The following ANLN variants were observed in gnomAD, a reference collection of about 807,000 sequenced individuals.
ANLN encodes anillin.
ANLN carries 59 observed loss-of-function variants against 135.1 expected under a neutral mutation model. That is an observed-to-expected ratio of 0.44 (90% CI 0.35 to 0.54). ANLN has a LOEUF of 0.54. Ranked by LOEUF, ANLN falls within the 20% of genes least tolerant of loss-of-function variation. The pLI is 0.00. For synonymous variants in ANLN, 406 were observed against 456.4 expected, an observed-to-expected ratio of 0.89 and a Z score of 1.41; for missense variants, 1,182 against 1,340.0, an observed-to-expected ratio of 0.88 and a Z score of 1.84.
chr7:36,442,491 C>T (rs2116793174), intron 21 of ANLN, among the ~76,000 whole-genome samples: 1 of 152,244 alleles, frequency 6.6e-6, no homozygotes, highest in Non-Finnish European at 1.5e-5. Context: ...CCGTATGGCC[C>T]AAAGTCTAAA....
At chr7:36,416,627 AAAC>A (rs1228371734) in intron 8 of ANLN, among the ~76,000 whole-genome samples, 2 of 152,204 alleles carry the variant, frequency 1.3e-5, no homozygotes, top group African/African-American at 4.8e-5. Context: ...TTAAAGTAAA[AAAC>A]AAATTGCAGA....
chr7:36,442,126 G>A (rs954591467), intron 21 of ANLN, among the ~76,000 whole-genome samples: 4 of 152,228 alleles, frequency 2.6e-5, no homozygotes, highest in Non-Finnish European at 5.9e-5. Context: ...ATTGAGAAGA[G>A]TGTATATCCT....
At chr7:36,452,425 T>A in intron 23 of ANLN, 52 bp from the exon 24 acceptor site, 1 of 1,609,096 alleles carries the variant, frequency 6.2e-7, no homozygotes, top group Non-Finnish European at 8.5e-7. Flanking sequence ...TACATGGGGG[T>A]ATGGAATGGA....
Position 36,396,352 on chromosome 7 carries a change from T to G in ANLN, c.105T>G (p.Thr35=). 2 of 1,607,886 alleles carry G rather than the reference T, an allele frequency of 1.2e-6. No individual in the cohort carries two copies. Among genetic ancestry groups the G allele is most frequent in the Non-Finnish European group, 1.7e-6 (2 of 1,175,350 alleles). Reference sequence around the variant, plus strand: ...CCACAGCAGCTCCAAGGTCTATGACTCATGCTAAGCGAGCTAGACAGCCAC... The same window carrying G: ...CCACAGCAGCTCCAAGGTCTATGACGCATGCTAAGCGAGCTAGACAGCCAC... The part of the protein sequence containing the change: ...ERPTAAPRSM[T]HAKRARQPLS... Residue 35 remains threonine (T), a synonymous_variant, in exon 2 of 24, where the codon ACT becomes ACG. Coordinates refer to ENST00000265748, the MANE Select transcript of ANLN (RefSeq NM_018685.5).
intron 3 of ANLN, among the ~76,000 whole-genome samples, chr7:36,405,840 A>G (rs928115517): frequency 1.3e-5 from 2 of 152,242 alleles, no homozygotes; most frequent in Non-Finnish European, 2.9e-5. Flanking sequence ...ATCCATTTTT[A>G]AAACAAAAAG....
chr7:36,440,224 G>A (rs1353660199), intron 21 of ANLN, among the ~76,000 whole-genome samples: 2 of 152,360 alleles, frequency 1.3e-5, no homozygotes, highest in East Asian at 3.9e-4. Context: ...CTCACTGGAG[G>A]AGTGCCAGCA....
intron 3 of ANLN, among the ~76,000 whole-genome samples, chr7:36,405,440 G>GA (rs1287891171): frequency 1.3e-5 from 2 of 152,192 alleles, no homozygotes; most frequent in Non-Finnish European, 2.9e-5. Context: ...GGGCAGAATT[G>GA]AAAATTCAGC....
intron 1 of ANLN, chr7:36,390,647 T>C (rs1562778800): frequency 6.5e-6 from 1 of 153,150 alleles, no homozygotes; most frequent in South Asian, 2.0e-4. Flanking sequence ...ACCATTTTAA[T>C]TGAAACAATG....
chr7:36,401,254 A>G (rs1786933361), intron 3 of ANLN, among the ~76,000 whole-genome samples: 1 of 152,180 alleles, frequency 6.6e-6, no homozygotes, highest in African/African-American at 2.4e-5. Context: ...AGGCTAATAA[A>G]CCTGTCCACA....
intron 7 of ANLN, among the ~76,000 whole-genome samples, chr7:36,411,797 A>G (rs1787424355): frequency 6.6e-6 from 1 of 152,224 alleles, no homozygotes; most frequent in Non-Finnish European, 1.5e-5. Flanking sequence ...GTTTTTTATC[A>G]GTTCACTTGC....
At chr7:36,425,666 T>C (rs758554230) in intron 17 of ANLN, 36 bp from the exon 18 acceptor site, 4 of 1,486,070 alleles carry the variant, frequency 2.7e-6, no homozygotes, top group Non-Finnish European at 3.7e-6. Flanking sequence ...TAATGTTTAA[T>C]AAGAAATATA....
At chr7:36,401,153 T>C (rs1786928690) in intron 3 of ANLN, among the ~76,000 whole-genome samples, 1 of 152,176 alleles carries the variant, frequency 6.6e-6, no homozygotes, top group Admixed American at 6.5e-5. Context: ...TAATATAAAT[T>C]TTTTTATTCT....
At chr7:36,416,211 G>A (rs1787635083) in intron 8 of ANLN, among the ~76,000 whole-genome samples, 1 of 152,012 alleles carries the variant, frequency 6.6e-6, no homozygotes, top group South Asian at 2.1e-4. Flanking sequence ...AGTAGAGATG[G>A]GGTTTCACCA....
At chr7:36,420,573 T>A (rs761342706) in intron 11 of ANLN, 24 bp from the exon 12 acceptor site, 4 of 1,594,724 alleles carry the variant, frequency 2.5e-6, no homozygotes, top group Non-Finnish European at 3.4e-6. Context: ...GGATTTCTAA[T>A]AGAGTGTAAC....
intron 20 of ANLN, chr7:36,428,507 T>A (rs1788180810): frequency 3.1e-6 from 1 of 325,178 alleles, no homozygotes; most frequent in African/African-American, 2.2e-5. Context: ...ATGAGACTCT[T>A]ATAGATGGGT....
At chr7:36,442,654 C>T (rs1307696032) in intron 21 of ANLN, among the ~76,000 whole-genome samples, 6 of 151,564 alleles carry the variant, frequency 4.0e-5, no homozygotes, top group Admixed American at 1.3e-4. Context: ...TTTTTTGAGA[C>T]GGAGTCTCAC....
chr7:36,427,457 G>A (rs1043935155), intron 20 of ANLN, among the ~76,000 whole-genome samples: 6 of 151,796 alleles, frequency 4.0e-5, no homozygotes, highest in Non-Finnish European at 7.4e-5. Flanking sequence ...CAGCCTCGCG[G>A]GCTCCCACCT....
At chr7:36,422,484 C>T (rs1787916808) in intron 13 of ANLN, 149 bp from the exon 14 acceptor site, 4 of 691,142 alleles carry the variant, frequency 5.8e-6, no homozygotes, top group Non-Finnish European at 6.7e-6. Flanking sequence ...AGGTTTTCCC[C>T]AACCACCTAC....
At chr7:36,396,718 C>T (rs1786715223) in intron 2 of ANLN, among the ~76,000 whole-genome samples, 1 of 152,154 alleles carries the variant, frequency 6.6e-6, no homozygotes, top group Non-Finnish European at 1.5e-5. Context: ...AGTAGGGTAA[C>T]ATTTATACTT....
Sources: allele counts gnomAD v4.1 joint callset (sites outside exome capture counted in the v4.1 genomes callset), GRCh38; gene constraint gnomAD v4.1.1; transcripts MANE v1.5; gene names NCBI Gene and HGNC (gene_info 2026-07-23, HGNC 2026-07-21).